Variants in BICC1 observed in about 807,000 individuals in gnomAD.
BICC1 encodes the protein BicC family RNA binding protein 1.
BICC1 carries 43 observed loss-of-function variants against 111.0 expected under a neutral mutation model. The observed-to-expected ratio is 0.39, with a 90% CI of 0.30 to 0.50. The LOEUF is 0.50. BICC1 is among the 20% of genes least tolerant of loss of function. BICC1 has a pLI of 0.88. For synonymous variants in BICC1, 467 were observed against 434.4 expected, an observed-to-expected ratio of 1.07 and a Z score of -0.93; for missense variants, 1,091 against 1,203.2, an observed-to-expected ratio of 0.91 and a Z score of 1.38.
At chr10:58,574,269 A>G (rs1844044940) in intron 1 of BICC1, among the ~76,000 whole-genome samples, 1 of 152,114 alleles carries the variant, frequency 6.6e-6, no homozygotes, top group African/African-American at 2.4e-5. Context: ...ATGGATTTGG[A>G]CACAAAAATG....
chr10:58,534,934 G>A (rs1842788028), intron 1 of BICC1, among the ~76,000 whole-genome samples: 1 of 151,438 alleles, frequency 6.6e-6, no homozygotes, highest in African/African-American at 2.4e-5. Context: ...GACACACTTA[G>A]GGTACTACAA....
In BICC1 at chr10:58,796,505, G is replaced by C. The variant is rs765847855; in HGVS notation, c.1345G>C (p.Gly449Arg). 2 of 1,613,804 alleles carry C rather than the reference G, an allele frequency of 1.2e-6. No homozygotes were observed. The highest frequency in any genetic ancestry group is 8.5e-7 in the Non-Finnish European group (1 of 1,179,886). Reference sequence around the variant, plus strand: ...CAGCCTGGATATCTTAGCTTCAGCAGGCCTTGGACTCACTGGACTAGGTAT... The same window carrying C: ...CAGCCTGGATATCTTAGCTTCAGCACGCCTTGGACTCACTGGACTAGGTAT... ...CPSLDILASA[G>R]LGLTGLGLLG... The change falls in exon 10 of 21, where the codon GGC (glycine) becomes CGC (arginine). Residue 449 changes from glycine to arginine, a missense_variant. Physicochemically the swap from Gly to Arg is moderately radical, Grantham distance 125 (BLOSUM62 -2). Transcript: ENST00000373886.
intron 2 of BICC1, among the ~76,000 whole-genome samples, chr10:58,661,879 G>C (rs754507447): frequency 7.9e-5 from 12 of 152,092 alleles, no homozygotes; most frequent in Admixed American, 2.0e-4. Context: ...ATGAAATCAA[G>C]AAAGTAAAAT....
chr10:58,700,299 C>G (rs1391332046), intron 2 of BICC1, among the ~76,000 whole-genome samples: 1 of 152,036 alleles, frequency 6.6e-6, no homozygotes, highest in Non-Finnish European at 1.5e-5. Context: ...ACAGGAAATT[C>G]TGAGGAAGAG....
At chr10:58,629,231 C>A (rs575668590) in intron 2 of BICC1, among the ~76,000 whole-genome samples, 1 of 152,060 alleles carries the variant, frequency 6.6e-6, no homozygotes, top group Non-Finnish European at 1.5e-5. Flanking sequence ...AATGACTTCA[C>A]AGAAGAATCA....
intron 3 of BICC1, among the ~76,000 whole-genome samples, chr10:58,735,951 G>T (rs1041058591): frequency 1.3e-5 from 2 of 152,148 alleles, no homozygotes; most frequent in African/African-American, 4.8e-5. Context: ...AGCCAGAATT[G>T]CAGGAGTTTC....
rs1844222050 is a variant in BICC1 at position 58,820,471 on chromosome 10, G to A, written c.2794+3G>A. ...GAAAATGCTGCTTGCAATTTCAGGT[G>A]AATATAAATATTCAACTCATATGTT... is the stretch of plus-strand genomic sequence containing the variant. On this transcript the variant is annotated splice_donor_region_variant and intron_variant, in intron 20 of 20. Coordinates refer to ENST00000373886, the MANE Select transcript of BICC1 (RefSeq NM_001080512.3). The A allele has an allele frequency of 1.3e-6, 2 of 1,589,988 alleles. No individual in the cohort carries two copies. The highest frequency in any genetic ancestry group is 1.7e-6 in the Non-Finnish European group (2 of 1,158,918).
intron 5 of BICC1, 33 bp from the exon 6 acceptor site, chr10:58,788,337 T>C (rs1564613711): frequency 1.3e-6 from 2 of 1,524,676 alleles, no homozygotes; most frequent in Non-Finnish European, 1.8e-6. Flanking sequence ...TTGATTAAAA[T>C]AAATCTAACT....
rs562466660 is a variant in BICC1 at position 58,789,956 on chromosome 10, T to TA, written c.1047+24dup. The TA allele has an allele frequency of 1.7e-4, 273 of 1,611,638 alleles. No individual in the cohort carries two copies. The African/African-American group carries it at 3.0e-3, about 18-fold the overall frequency. ...ATGGTAAGGTTACTGAAATAAGTGT[T>TA]ACAATTTTTTTAAACCTCTTTGGAT... On this transcript the variant is annotated intron_variant, in intron 8 of 20. Coordinates refer to ENST00000373886, the MANE Select transcript of BICC1 (RefSeq NM_001080512.3).
At chr10:58,807,664 G>C (rs2132907112) in intron 17 of BICC1, among the ~76,000 whole-genome samples, 1 of 152,316 alleles carries the variant, frequency 6.6e-6, no homozygotes, top group East Asian at 1.9e-4. Context: ...TTTCCCAGAT[G>C]TTGGCTGCCC....
chr10:58,698,736 A>T (rs1460147482), intron 2 of BICC1, among the ~76,000 whole-genome samples: 1 of 152,214 alleles, frequency 6.6e-6, no homozygotes. Context: ...TCAAGCACTC[A>T]GTACGTGCCA....
At chr10:58,822,551 A>C (rs548275684) in intron 20 of BICC1, among the ~76,000 whole-genome samples, 1 of 152,280 alleles carries the variant, frequency 6.6e-6, no homozygotes, top group African/African-American at 2.4e-5. Context: ...GGGGTTCACC[A>C]GGTCCTCTTG....
Position 58,668,080 on chromosome 10 carries a change from A to T in BICC1, c.238-33994A>T, listed in dbSNP as rs1186815507. On this transcript the variant is annotated intron_variant, in intron 2 of 20. Coordinates refer to ENST00000373886, the MANE Select transcript of BICC1 (RefSeq NM_001080512.3). ...CAGTTTACACAGAATGAAATATTTC[A>T]CGGTCATCCGGCTTTTAAGAAAATG... is the stretch of plus-strand genomic sequence containing the variant. Among the ~76,000 whole-genome samples the T allele has an allele frequency of 2.0e-5, 3 of 152,084 alleles. No homozygotes were observed. In the East Asian group the frequency reaches 5.8e-4, roughly 29 times the overall value.
chr10:58,787,169 T>C (rs1381567335), intron 5 of BICC1, 88 bp downstream of exon 5: 2 of 1,238,338 alleles, frequency 1.6e-6, no homozygotes, highest in African/African-American at 1.6e-5. Flanking sequence ...TTCTGAGAGG[T>C]GAGACAAAAA....
At chr10:58,548,896 G>A (rs1843211676) in intron 1 of BICC1, among the ~76,000 whole-genome samples, 1 of 152,074 alleles carries the variant, frequency 6.6e-6, no homozygotes, top group Non-Finnish European at 1.5e-5. Flanking sequence ...GTTTCCCTCT[G>A]TCACCCAGGC....
At chr10:58,577,361 T>A (rs1844143320) in intron 1 of BICC1, among the ~76,000 whole-genome samples, 1 of 152,170 alleles carries the variant, frequency 6.6e-6, no homozygotes, top group African/African-American at 2.4e-5. Context: ...CTCTTGCTTT[T>A]TCCAGATTTG....
Position 58,789,425 on chromosome 10 carries a change from G to A in BICC1, c.764G>A (p.Arg255Gln), listed in dbSNP as rs2132811214. 1.2e-6 allele frequency: 2 copies of A among 1,613,944 alleles called. No individual in the cohort carries two copies. The highest frequency in any genetic ancestry group is 2.2e-5 in the East Asian group (1 of 44,864). Reference protein sequence around the residue: ...SRMYGATVIVRGSQNNTSAVK... With the variant: ...SRMYGATVIVQGSQNNTSAVK... ...ATGTATGGTGCTACTGTCATAGTAC[G>A]AGGGTCTCAGAATAACACTAGTGCT... The change falls in exon 7 of 21, where the codon CGA becomes CAA. Residue 255 changes from arginine (R) to glutamine (Q), a missense_variant. Arg to Gln is a conservative substitution (Grantham distance 43, BLOSUM62 1). Transcript: ENST00000373886.
At position 58,803,148 on chromosome 10, in the gene BICC1, C is replaced by T. The variant is rs1269989725; in HGVS notation, c.2087C>T (p.Pro696Leu). ...AGCCCTTTGGCTGACAAGAAGGCTC[C>T]AGGGAGTGAGCGCGCTGCAGAGAGG... The part of the protein sequence containing the change: ...TESPLADKKA[P>L]GSERAAERAA... Residue 696 changes from proline to leucine, a missense_variant, in exon 15 of 21, where the codon CCA (proline) becomes CTA (leucine). By Grantham distance (98) the Pro-to-Leu change is moderately conservative. Around this residue, in one of 3 missense-constraint regions of BICC1, gnomAD observed 843 missense variants for 900.8 expected, o/e 0.94. Transcript: ENST00000373886. 1 of 1,610,908 alleles carries T rather than the reference C, an allele frequency of 6.2e-7. No individual in the cohort carries two copies. The highest frequency in any genetic ancestry group is 8.5e-7 in the Non-Finnish European group (1 of 1,178,558).
intron 1 of BICC1, among the ~76,000 whole-genome samples, chr10:58,518,859 G>A (rs1013096625): frequency 6.6e-6 from 1 of 152,104 alleles, no homozygotes; most frequent in African/African-American, 2.4e-5. Flanking sequence ...AAAACCTCAC[G>A]CTCACGGGCA....
Sources: gnomAD v4.1 joint callset for allele counts (sites outside exome capture counted in the v4.1 genomes callset) on GRCh38, gnomAD v4.1.1 for gene constraint, gnomAD v4.1.1 regional missense constraint, MANE v1.5 for transcripts, NCBI Gene and HGNC (gene_info 2026-07-23, HGNC 2026-07-21) for gene names.